Variants in MTR observed in about 807,000 individuals in gnomAD.
The protein encoded by MTR is methionine synthase.
In MTR, 84 loss-of-function variants were observed where a neutral mutation model predicts 154.8. The observed-to-expected ratio is 0.54, with a 90% confidence interval of 0.45 to 0.65. The LOEUF is 0.65. MTR is among the 30% of genes least tolerant of loss of function. The pLI, the probability that MTR is intolerant of heterozygous loss-of-function variation, is 0.00. For missense variants in MTR, 1,275 were observed against 1,570.2 expected (o/e 0.81, Z 3.18); for synonymous variants, 554 against 553.9 (o/e 1.00, Z 0.00).
At chr1:236,869,883 C>T (rs1665030276) in intron 22 of MTR, among the ~76,000 whole-genome samples, 1 of 152,182 alleles carries the variant, frequency 6.6e-6, no homozygotes, top group Non-Finnish European at 1.5e-5. Flanking sequence ...AGCTAATACC[C>T]ACTTAATTTT....
At chr1:236,862,384 G>T (rs1434947431) in intron 21 of MTR, 41 bp downstream of exon 21, 1 of 1,530,204 alleles carries the variant, frequency 6.5e-7, no homozygotes, top group Non-Finnish European at 9.1e-7. Context: ...TTAGTGGGTT[G>T]ACCTGGAAGA....
chr1:236,795,517 C>T lies in MTR; in HGVS notation c.-187C>T. On this transcript the variant is annotated 5_prime_UTR_variant, in exon 1 of 33. Transcript: ENST00000366577. ...GCCGCGCCCAGCCCCGAGAGAGGCCCTAGGGCGCTGCGGGCTTTCGGGGTC... is the reference window on the plus strand; with the variant it reads ...GCCGCGCCCAGCCCCGAGAGAGGCCTTAGGGCGCTGCGGGCTTTCGGGGTC... The T allele has an allele frequency of 6.6e-7, 1 of 1,526,430 alleles. No individual in the cohort carries two copies. Among genetic ancestry groups the T allele is most frequent in the Non-Finnish European group, 8.8e-7 (1 of 1,140,498 alleles). 94.6% of individuals were successfully genotyped at this position (1,526,430 alleles called of 1,614,324 possible).
At chr1:236,844,451 GGCGTGTGTGTGTGT>G (rs1558305076) in intron 15 of MTR, among the ~76,000 whole-genome samples, 1 of 115,382 alleles carries the variant, frequency 8.7e-6, no homozygotes, top group East Asian at 2.6e-4. Flanking sequence ...GTTCAGAAAG[GGCGTGTGTGTGTGT>G]GTGTGTGTGT....
chr1:236,891,118 CT>C lies in MTR; in HGVS notation c.3008-14del, dbSNP rs745534604. 6.2e-7 allele frequency: 1 copy of C among 1,613,934 alleles called. No homozygotes were observed. Among genetic ancestry groups the C allele is most frequent in the South Asian group, 1.1e-5 (1 of 91,056 alleles). ...TGGCATCTTTAAGTGAATTCTAATTCTGTTTTTCTAATAGGTGGAGAGGCCA... is the reference window on the plus strand; with the variant it reads ...TGGCATCTTTAAGTGAATTCTAATTCGTTTTTCTAATAGGTGGAGAGGCCA... On this transcript the variant is annotated splice_polypyrimidine_tract_variant and intron_variant, in intron 28 of 32. Transcript: ENST00000366577.
intron 22 of MTR, among the ~76,000 whole-genome samples, chr1:236,865,175 G>C (rs757195403): frequency 6.6e-6 from 1 of 152,222 alleles, no homozygotes; most frequent in Non-Finnish European, 1.5e-5. Context: ...AGGCTTTCCT[G>C]CAACAAACCC....
rs368516299 is a variant in MTR at position 236,886,263 on chromosome 1, C to G, written c.2776-29C>G. ...GTAGTTGTAGAAAAGCTAAGAGTGTCTAACTAATTTTTCTTTGTTTTTTAA... is the reference window on the plus strand; with the variant it reads ...GTAGTTGTAGAAAAGCTAAGAGTGTGTAACTAATTTTTCTTTGTTTTTTAA... On this transcript the variant is annotated intron_variant, in intron 26 of 32. Coordinates refer to ENST00000366577, the MANE Select transcript of MTR (RefSeq NM_000254.3). The G allele has an allele frequency of 1.2e-5, 19 of 1,592,454 alleles. No homozygotes were observed. In the African/African-American group the frequency reaches 2.3e-4, roughly 19 times the overall value.
intron 31 of MTR, among the ~76,000 whole-genome samples, 179 bp downstream of exon 31, chr1:236,895,729 G>T (rs1246551751): frequency 6.6e-6 from 1 of 152,224 alleles, no homozygotes; most frequent in African/African-American, 2.4e-5. Context: ...TTACTGATTA[G>T]TATTCTTACA....
At position 236,895,290 on chromosome 1, in the gene MTR, G is replaced by A. The variant is rs1666558688; in HGVS notation, c.3406-68G>A. On this transcript the variant is annotated intron_variant, in intron 30 of 32. Coordinates refer to ENST00000366577, the MANE Select transcript of MTR (RefSeq NM_000254.3). ...TGTCCTCATGGTTCTAATTCAGGGGGTGGAGGCTGCACTGATGCTGTGAGC... is the reference window on the plus strand; with the variant it reads ...TGTCCTCATGGTTCTAATTCAGGGGATGGAGGCTGCACTGATGCTGTGAGC... The A allele has an allele frequency of 1.1e-5, 17 of 1,512,910 alleles. No individual in the cohort carries two copies. In the South Asian group the frequency reaches 1.7e-4, roughly 15 times the overall value. The allele number at this position is 1,512,910 out of a possible 1,614,324, so 93.7% of individuals were successfully genotyped here.
At position 236,841,922 on chromosome 1, in the gene MTR, T is replaced by C. The variant is rs1663262263; in HGVS notation, c.1515+3323T>C. On this transcript the variant is annotated intron_variant, in intron 15 of 32. Transcript: ENST00000366577. ...TTTTTTTTTTTTTTGAGACGGAGTC[T>C]CGCTGTCGCCCAGGCTGGAGTGCGG... Among the ~76,000 whole-genome samples, 7 of 151,114 alleles carry C rather than the reference T, an allele frequency of 4.6e-5. No individual in the cohort carries two copies. In the South Asian group the frequency reaches 1.5e-3, roughly 32 times the overall value.
chr1:236,890,176 G>A (rs989337374), intron 28 of MTR, among the ~76,000 whole-genome samples: 6 of 152,080 alleles, frequency 3.9e-5, no homozygotes, highest in Admixed American at 6.5e-5. Context: ...GTGCGTGTTC[G>A]GATGCTGAGA....
intron 22 of MTR, among the ~76,000 whole-genome samples, chr1:236,872,154 T>C (rs537801187): frequency 1.3e-5 from 2 of 152,350 alleles, no homozygotes; most frequent in South Asian, 2.1e-4. Context: ...AAATTTAAAA[T>C]AGAAGTAATT....
At chr1:236,829,601 A>T (rs1018534919) in intron 12 of MTR, among the ~76,000 whole-genome samples, 2 of 152,190 alleles carry the variant, frequency 1.3e-5, no homozygotes, top group African/African-American at 4.8e-5. Flanking sequence ...TTTCAGGTTG[A>T]TACTAGTTAC....
In MTR at chr1:236,852,409, T is replaced by C. The variant is rs1663958701; in HGVS notation, c.1696-112T>C. 1.1e-5 allele frequency: 9 copies of C among 817,926 alleles called. No individual in the cohort carries two copies. In the South Asian group the frequency reaches 1.3e-4, roughly 12 times the overall value. The allele number at this position is 817,926 out of a possible 1,614,324, so 50.7% of individuals were successfully genotyped here. Reference sequence around the variant, plus strand: ...CAAGAAGCTCTGAATTACTTTGAACTTCGGATGCTTTTTGTTTTTTTTTCT... The same window carrying C: ...CAAGAAGCTCTGAATTACTTTGAACCTCGGATGCTTTTTGTTTTTTTTTCT... On this transcript the variant is annotated intron_variant, in intron 16 of 32. Transcript: ENST00000366577.
At chr1:236,824,338 T>C in intron 9 of MTR, 119 bp downstream of exon 9, 1 of 894,486 alleles carries the variant, frequency 1.1e-6, no homozygotes, top group Middle Eastern at 2.1e-4. Context: ...TAGTTGACAC[T>C]TAATAAATGA....
chr1:236,869,475 G>A (rs1320998814), intron 22 of MTR, among the ~76,000 whole-genome samples: 1 of 152,194 alleles, frequency 6.6e-6, no homozygotes, highest in East Asian at 1.9e-4. Flanking sequence ...TGGGTTTACA[G>A]GCATGAGCCT....
At chr1:236,852,275 G>GTA (rs1491067394) in intron 16 of MTR, among the ~76,000 whole-genome samples, 16 of 141,586 alleles carry the variant, frequency 1.1e-4, no homozygotes, top group Non-Finnish European at 2.5e-4. Context: ...GTGTGTGTGT[G>GTA]TACGCGCGTG....
Position 236,898,050 on chromosome 1 carries a change from GTGTGACCC to G in MTR, c.*413_*420del, listed in dbSNP as rs1666761048. ...GCCTGAAACTGAGTTGAATAGAGAA[GTGTGACCC>G]TGTGACAAAATGATACTGTGAGAAA... On this transcript the variant is annotated 3_prime_UTR_variant, in exon 33 of 33. Transcript: ENST00000366577. 4.5e-6 allele frequency: 1 copy of G among 224,504 alleles called. No homozygotes were observed. The highest frequency in any genetic ancestry group is 2.4e-5 in the African/African-American group (1 of 42,262). The allele number at this position is 224,504 out of a possible 1,614,324, so 13.9% of individuals were successfully genotyped here.
At position 236,862,239 on chromosome 1, in the gene MTR, A is replaced by G. The variant is rs1286726397; in HGVS notation, c.2200A>G (p.Ile734Val). ...GAGKMFLPQVIKSARVMKKAV... is the reference protein window; with the variant it reads ...GAGKMFLPQVVKSARVMKKAV... ...TGATCTATGCTTTTTTTCTCAGGTT[A>G]TAAAGTCAGCCCGGGTTATGAAGAA... The change falls in exon 21 of 33, where the codon ATA becomes GTA. Residue 734 changes from isoleucine (I) to valine (V), a missense_variant. Transcript: ENST00000366577. 1.2e-6 allele frequency: 2 copies of G among 1,613,254 alleles called. No individual in the cohort carries two copies. Among genetic ancestry groups the G allele is most frequent in the Non-Finnish European group, 1.7e-6 (2 of 1,179,208 alleles).
At position 236,859,856 on chromosome 1, in the gene MTR, A is replaced by G. The variant is rs144767461; in HGVS notation, c.1977A>G (p.Lys659=). Residue 659 remains lysine, a synonymous_variant, in exon 19 of 33, where the codon AAA becomes AAG. Transcript: ENST00000366577. ...YAQTQGTGGK[K]VIQTDEWRNG... ...AGACTCAAGGCACAGGAGGGAAGAA[A>G]GTCATTCAGACTGATGAGTGGAGAA... is the stretch of plus-strand genomic sequence containing the variant. 5.1e-4 allele frequency: 821 copies of G among 1,613,996 alleles called. 2 individuals carry two copies. Among genetic ancestry groups the G allele is most frequent in the Non-Finnish European group, 6.3e-4 (741 of 1,179,898 alleles).
Sources: allele counts gnomAD v4.1 joint callset (sites outside exome capture counted in the v4.1 genomes callset), GRCh38; gene constraint gnomAD v4.1.1; transcripts MANE v1.5; gene names NCBI Gene and HGNC (gene_info 2026-07-23, HGNC 2026-07-21).